The following RICTOR variants were observed in gnomAD, a reference collection of about 807,000 sequenced individuals.
The protein encoded by RICTOR is rapamycin-insensitive companion of mTOR.
Under a neutral mutation model 214.9 loss-of-function variants are expected in RICTOR, and 49 were observed. The observed-to-expected ratio is 0.23, with a 90% CI of 0.18 to 0.29. The LOEUF is 0.29. Ranked by LOEUF, RICTOR falls within the 10% of genes least tolerant of loss-of-function variation. The pLI is 1.00. For synonymous variants in RICTOR, 717 were observed against 711.3 expected (o/e 1.01, Z -0.13); for missense variants, 1,625 against 2,047.0 (o/e 0.79, Z 3.98).
chr5:38,973,709 T>C (rs906690983), intron 10 of RICTOR, among the ~76,000 whole-genome samples: 6 of 152,214 alleles, frequency 3.9e-5, no homozygotes, highest in Admixed American at 3.9e-4. Flanking sequence ...AAATACTATT[T>C]CGCAAATTTT....
At position 39,014,857 on chromosome 5, in the gene RICTOR, CA is replaced by C. The variant is rs1176013509; in HGVS notation, c.195+6181del. On this transcript the variant is annotated intron_variant, in intron 3 of 37. Transcript: ENST00000357387. ...TGAAGCTGAAGTTCACCCTATACAA[CA>C]TTTTAATGTCACTGTTCTATTAAGA... 3.9e-5 allele frequency among the ~76,000 whole-genome samples: 6 copies of C among 152,278 alleles called. No homozygotes were observed. In the East Asian group the frequency reaches 1.2e-3, roughly 29 times the overall value.
chr5:39,057,024 T>C (rs1369461568), intron 2 of RICTOR, among the ~76,000 whole-genome samples: 3 of 152,180 alleles, frequency 2.0e-5, no homozygotes, highest in Non-Finnish European at 4.4e-5. Context: ...TTCCAGTATG[T>C]AATACAGTGC....
chr5:38,976,011 T>C (rs1751202577), intron 9 of RICTOR, among the ~76,000 whole-genome samples: 1 of 152,226 alleles, frequency 6.6e-6, no homozygotes, highest in Non-Finnish European at 1.5e-5. Flanking sequence ...CTAAACTTAT[T>C]TGAACGTTTC....
rs1749658819 is a variant in RICTOR at position 38,960,067 on chromosome 5, A to G, written c.1852-89T>C. On this transcript the variant is annotated intron_variant, in intron 20 of 37. Transcript: ENST00000357387. ...CTTCAATCAAGTACAAAAACTTACT[A>G]ATAATGATGAAGTTACCAATAATAG... is the stretch of plus-strand genomic sequence containing the variant. The G allele has an allele frequency of 5.5e-6, 5 of 908,076 alleles. No individual in the cohort carries two copies. The East Asian group carries it at 1.2e-4, about 22-fold the overall frequency. The allele number at this position is 908,076 out of a possible 1,614,324, so 56.3% of individuals were successfully genotyped here. A position where few individuals can be genotyped will look rare whatever the true frequency, so the allele number is the denominator to read the frequency against.
chr5:38,991,883 G>T (rs962525914), intron 6 of RICTOR, among the ~76,000 whole-genome samples: 1 of 152,004 alleles, frequency 6.6e-6, no homozygotes, highest in Admixed American at 6.6e-5. Flanking sequence ...CAGGTTACTG[G>T]AGTGGAAATA....
intron 2 of RICTOR, among the ~76,000 whole-genome samples, chr5:39,036,770 T>C (rs2150160440): frequency 6.6e-6 from 1 of 152,218 alleles, no homozygotes; most frequent in Admixed American, 6.5e-5. Flanking sequence ...GAGCTAAGTA[T>C]CCTAAATATA....
rs77802766 is a variant in RICTOR, at chr5:39,022,183, G to A, written c.98-1047C>T. On this transcript the variant is annotated intron_variant, in intron 2 of 37. Coordinates refer to ENST00000357387, the MANE Select transcript of RICTOR (RefSeq NM_152756.5). ...TTTAAGGTAGGCTAGGCTAAACTAA[G>A]ATGTTTGGTAGATTAGGTACATTAA... Among the ~76,000 whole-genome samples the A allele has an allele frequency of 5.3e-3, 800 of 152,338 alleles. 8 individuals carry two copies. The highest frequency in any genetic ancestry group is 0.017 in the Middle Eastern group (5 of 294).
At position 38,952,422 on chromosome 5, in the gene RICTOR, G is replaced by T. The variant is rs1199084637; in HGVS notation, c.2901C>A (p.Thr967=). ...KQCEVLSIRG[T]CVYVLGLIAK... is the part of the protein sequence containing the mutation. ...CTATGAGCCCAAGTACATATACACA[G>T]GTCCTGTATATAAAAGATGCAGTAA... is the stretch of plus-strand genomic sequence containing the variant. The change falls in exon 30 of 38, where the codon ACC becomes ACA. Residue 967 remains threonine (T), a synonymous_variant. Transcript: ENST00000357387. The T allele has an allele frequency of 6.3e-7, 1 of 1,589,176 alleles. No individual in the cohort carries two copies. Among genetic ancestry groups the T allele is most frequent in the Non-Finnish European group, 8.6e-7 (1 of 1,158,198 alleles).
At chr5:38,982,418 TAAAC>T (rs931784053) in intron 7 of RICTOR, among the ~76,000 whole-genome samples, 5 of 152,200 alleles carry the variant, frequency 3.3e-5, no homozygotes, top group Non-Finnish European at 5.9e-5. Context: ...ATATTTTTAT[TAAAC>T]ACACACATAG....
chr5:39,058,598 G>T (rs1482635716), intron 2 of RICTOR, among the ~76,000 whole-genome samples: 1 of 152,014 alleles, frequency 6.6e-6, no homozygotes, highest in East Asian at 1.9e-4. Context: ...CTCTTTCAAG[G>T]AGAAGGATCT....
intron 5 of RICTOR, among the ~76,000 whole-genome samples, chr5:38,999,600 T>C (rs1412046901): frequency 6.6e-6 from 1 of 151,932 alleles, no homozygotes; most frequent in Non-Finnish European, 1.5e-5. Flanking sequence ...AGGAAAAATA[T>C]TGTTATTTCA....
intron 5 of RICTOR, among the ~76,000 whole-genome samples, chr5:38,999,966 G>A (rs370984293): frequency 6.6e-6 from 1 of 152,054 alleles, no homozygotes; most frequent in East Asian, 1.9e-4. Flanking sequence ...AAGAAAGGTG[G>A]TAATGTATTA....
chr5:38,977,321 T>C (rs1032571324), intron 9 of RICTOR, among the ~76,000 whole-genome samples: 3 of 152,342 alleles, frequency 2.0e-5, no homozygotes, highest in Admixed American at 1.3e-4. Flanking sequence ...TGTGATCTAA[T>C]AAACTGGTAT....
At chr5:39,009,383 C>T (rs985664344) in intron 3 of RICTOR, among the ~76,000 whole-genome samples, 2 of 152,006 alleles carry the variant, frequency 1.3e-5, no homozygotes, top group Admixed American at 6.6e-5. Flanking sequence ...AAAACAAACA[C>T]GCACCATTTA....
chr5:38,959,257 C>A lies in RICTOR; in HGVS notation c.2116G>T (p.Asp706Tyr). The stretch of plus-strand genomic sequence containing the variant: ...CTAGCCAATCCATCTCTGCTATAGT[C>A]CAAGCTAGAAACAGTAAGTTTTAGC... ...HLLKLTVSSLDYSRDGLARVI... is the reference protein window; with the variant it reads ...HLLKLTVSSLYYSRDGLARVI... Residue 706 changes from aspartate to tyrosine, a missense_variant, in exon 22 of 38, where the codon GAC becomes TAC. This residue lies in a region of RICTOR where 1,214 missense variants were observed against 1,470.5 expected (regional missense o/e 0.83). Transcript: ENST00000357387. 6.2e-7 allele frequency: 1 copy of A among 1,601,020 alleles called. No individual in the cohort carries two copies. Among genetic ancestry groups the A allele is most frequent in the Non-Finnish European group, 8.5e-7 (1 of 1,172,608 alleles).
intron 5 of RICTOR, among the ~76,000 whole-genome samples, chr5:39,000,058 A>G (rs535054635): frequency 6.6e-6 from 1 of 152,112 alleles, no homozygotes; most frequent in African/African-American, 2.4e-5. Context: ...ATTAAGCCCA[A>G]TAAGAAGATT....
At chr5:39,074,215 T>TGCCCTGGCTCCGGCCAGC in intron 1 of RICTOR, 57 bp from the exon 2 acceptor site, 1 of 1,578,890 alleles carries the variant, frequency 6.3e-7, no homozygotes, top group Non-Finnish European at 8.6e-7. Flanking sequence ...CAGCTGCGGC[T>TGCCCTGGCTCCGGCCAGC]GCCCTGGCTC....
chr5:38,980,530 C>T (rs1561487960), intron 8 of RICTOR, among the ~76,000 whole-genome samples: 1 of 152,020 alleles, frequency 6.6e-6, no homozygotes, highest in Non-Finnish European at 1.5e-5. Context: ...TTTGCTAATC[C>T]ACTGTGTGAT....
chr5:39,062,348 T>C (rs977864993), intron 2 of RICTOR, among the ~76,000 whole-genome samples: 7 of 152,092 alleles, frequency 4.6e-5, no homozygotes, highest in African/African-American at 1.7e-4. Context: ...CTCACCTACC[T>C]CAAAATGTGT....
Sources: gnomAD v4.1 joint callset for allele counts (sites outside exome capture counted in the v4.1 genomes callset) on GRCh38, gnomAD v4.1.1 for gene constraint, gnomAD v4.1.1 regional missense constraint, MANE v1.5 for transcripts, NCBI Gene and HGNC (gene_info 2026-07-23, HGNC 2026-07-21) for gene names.